The following GRAMD1C variants were observed in gnomAD, a reference collection of about 807,000 sequenced individuals.
GRAMD1C encodes GRAM domain containing 1C.
Under a neutral mutation model 97.8 loss-of-function variants are expected in GRAMD1C, and 89 were observed. The ratio of observed to expected loss-of-function variants is 0.91; its 90% CI spans 0.77 to 1.09. The LOEUF (loss-of-function observed/expected upper bound fraction) is 1.09, where lower values mean the gene tolerates loss of function less well. Among genes scored for constraint, GRAMD1C ranks in the 50% least tolerant of loss-of-function variants. The pLI is 0.00. For synonymous variants in GRAMD1C, 256 were observed against 267.0 expected, an observed-to-expected ratio of 0.96 and a Z score of 0.40; for missense variants, 740 against 766.4, an observed-to-expected ratio of 0.97 and a Z score of 0.41.
At chr3:113,912,998 T>TA in intron 9 of GRAMD1C, 1 of 437,878 alleles carries the variant, frequency 2.3e-6, no homozygotes. Context: ...GAAGTCAATG[T>TA]AGTGGGAGAC....
At chr3:113,842,264 A>G (rs1179387133) in intron 1 of GRAMD1C, among the ~76,000 whole-genome samples, 2 of 152,232 alleles carry the variant, frequency 1.3e-5, no homozygotes, top group Non-Finnish European at 2.9e-5. Context: ...GTATAACTGT[A>G]ATTTGAGACC....
At chr3:113,837,381 G>C (rs1220849791), upstream of GRAMD1C, among the ~76,000 whole-genome samples, 22 of 152,182 alleles carry the variant, frequency 1.4e-4, no homozygotes, top group Admixed American at 1.4e-3. Flanking sequence ...GGACACACCT[G>C]TGACACAGTC....
chr3:113,856,977 T>C (rs1934157369), intron 2 of GRAMD1C, among the ~76,000 whole-genome samples: 1 of 152,000 alleles, frequency 6.6e-6, no homozygotes, highest in African/African-American at 2.4e-5. Context: ...TGGTTAGGAC[T>C]ACAGGCATAT....
chr3:113,940,308 A>C lies in GRAMD1C; in HGVS notation c.1871A>C (p.Lys624Thr). The change falls in exon 17 of 18, where the codon AAG becomes ACG. Residue 624 changes from lysine to threonine, a missense_variant. Physicochemically the swap from Lys to Thr is moderately conservative, Grantham distance 78 (BLOSUM62 -1). Transcript: ENST00000358160. ...QKNKDQAHRL[K>T]GVLRDSIVML... ...AATAAAGATCAGGCCCATCGTTTAA[A>C]GGGAGTGCTCCGAGACTCCATAGTG... is the stretch of plus-strand genomic sequence containing the variant. 6.2e-7 allele frequency: 1 copy of C among 1,608,626 alleles called. No individual in the cohort carries two copies. The highest frequency in any genetic ancestry group is 8.5e-7 in the Non-Finnish European group (1 of 1,174,940).
intron 2 of GRAMD1C, among the ~76,000 whole-genome samples, chr3:113,860,158 A>G (rs748618338): frequency 9.2e-5 from 14 of 152,104 alleles, no homozygotes; most frequent in Non-Finnish European, 2.1e-4. Flanking sequence ...AGTAGCTGGG[A>G]TTACAGGCGC....
At chr3:113,839,049 C>T (rs1319426975) in intron 1 of GRAMD1C, 113 bp downstream of exon 1, 3 of 664,600 alleles carry the variant, frequency 4.5e-6, no homozygotes, top group African/African-American at 1.9e-5. Flanking sequence ...CTTCCCTTTT[C>T]TTCGTGCTCT....
intron 9 of GRAMD1C, among the ~76,000 whole-genome samples, chr3:113,910,974 G>C (rs575151867): frequency 2.6e-5 from 4 of 152,260 alleles, no homozygotes; most frequent in South Asian, 2.1e-4. Context: ...GGTAGCTTAA[G>C]CAACAGAAAT....
At chr3:113,838,997 C>A (rs1004856074) in intron 1 of GRAMD1C, 61 bp downstream of exon 1, 2 of 1,052,030 alleles carry the variant, frequency 1.9e-6, no homozygotes, top group East Asian at 3.2e-5. Context: ...CTTTTTCTCA[C>A]GGTGATTGCT....
At chr3:113,929,153 C>T (rs929669780) in intron 10 of GRAMD1C, among the ~76,000 whole-genome samples, 6 of 152,208 alleles carry the variant, frequency 3.9e-5, no homozygotes, top group African/African-American at 1.4e-4. Context: ...TAATAGCTAT[C>T]CTAATGGGCA....
chr3:113,875,726 C>CTT, intron 4 of GRAMD1C, 139 bp downstream of exon 4: 1 of 404,854 alleles, frequency 2.5e-6, no homozygotes, highest in Non-Finnish European at 4.1e-6. Context: ...CATGTAAATA[C>CTT]AAACGTGTTG....
At chr3:113,898,604 G>T (rs1936026568) in intron 6 of GRAMD1C, among the ~76,000 whole-genome samples, 1 of 151,946 alleles carries the variant, frequency 6.6e-6, no homozygotes, top group Non-Finnish European at 1.5e-5. Flanking sequence ...TATGGACACT[G>T]TGCTTCCAAA....
chr3:113,854,671 GC>G (rs1309565605), intron 2 of GRAMD1C, among the ~76,000 whole-genome samples: 2 of 152,024 alleles, frequency 1.3e-5, no homozygotes, highest in Non-Finnish European at 2.9e-5. Context: ...TTAAAGAAGG[GC>G]CAAAGGAAGA....
chr3:113,837,583 A>G (rs12494041), upstream of GRAMD1C, among the ~76,000 whole-genome samples: 612 of 152,296 alleles, frequency 4.0e-3, 8 homozygotes, highest in South Asian at 0.031. Flanking sequence ...CTGATTTGCA[A>G]TTGGTTGAAA....
intron 8 of GRAMD1C, among the ~76,000 whole-genome samples, chr3:113,905,466 T>A (rs985507735): frequency 6.6e-6 from 1 of 152,212 alleles, no homozygotes; most frequent in Non-Finnish European, 1.5e-5. Context: ...CAGAGCTGAA[T>A]TCCTTTATTT....
At chr3:113,917,622 G>A (rs184114175) in intron 10 of GRAMD1C, among the ~76,000 whole-genome samples, 11 of 151,860 alleles carry the variant, frequency 7.2e-5, no homozygotes, top group Admixed American at 2.6e-4. Flanking sequence ...GCACCCAGCC[G>A]CAATTTAGTT....
At chr3:113,913,901 G>A (rs1275683036) in intron 9 of GRAMD1C, among the ~76,000 whole-genome samples, 2 of 152,220 alleles carry the variant, frequency 1.3e-5, no homozygotes, top group Non-Finnish European at 2.9e-5. Flanking sequence ...GGAGACTGGG[G>A]ATGTGTGTGT....
At chr3:113,836,644 A>T (rs1239742876), upstream of GRAMD1C, among the ~76,000 whole-genome samples, 1 of 149,664 alleles carries the variant, frequency 6.7e-6, no homozygotes, top group Non-Finnish European at 1.5e-5. Context: ...TATTATTATT[A>T]TTTATTATTA....
intron 2 of GRAMD1C, among the ~76,000 whole-genome samples, chr3:113,863,373 T>C (rs1170193878): frequency 6.6e-6 from 1 of 152,144 alleles, no homozygotes; most frequent in Non-Finnish European, 1.5e-5. Context: ...GATTGCACTA[T>C]TGTGGGCTTT....
intron 8 of GRAMD1C, among the ~76,000 whole-genome samples, chr3:113,904,870 T>C (rs1936308262): frequency 6.6e-6 from 1 of 152,226 alleles, no homozygotes. Flanking sequence ...AGTCTCGCCC[T>C]GTTGCCCAGG....
Sources: gnomAD v4.1 joint callset for allele counts (sites outside exome capture counted in the v4.1 genomes callset) on GRCh38, gnomAD v4.1.1 for gene constraint, MANE v1.5 for transcripts, NCBI Gene and HGNC (gene_info 2026-07-23, HGNC 2026-07-21) for gene names.